The following PDPR variants were observed in gnomAD, a reference collection of about 807,000 sequenced individuals.
PDPR encodes the protein pyruvate dehydrogenase phosphatase regulatory subunit.
Under a neutral mutation model 102.2 loss-of-function variants are expected in PDPR, and 50 were observed. The observed-to-expected ratio is 0.49, with a 90% CI of 0.39 to 0.62. The LOEUF (loss-of-function observed/expected upper bound fraction) is 0.62. Among genes scored for constraint, PDPR ranks in the 20% least tolerant of loss-of-function variants. The probability of loss-of-function intolerance (pLI) is 0.00; values close to 1 mark genes in which losing one functional copy is unlikely to be tolerated. For synonymous variants in PDPR, 259 were observed against 406.0 expected, an observed-to-expected ratio of 0.64 and a Z score of 4.35; for missense variants, 625 against 1,098.2, an observed-to-expected ratio of 0.57 and a Z score of 6.09.
rs1967641043 is a variant in PDPR at position 70,160,123 on chromosome 16, T to A, written c.*3244T>A. 1 of 152,952 alleles carries A rather than the reference T, an allele frequency of 6.5e-6. No homozygotes were observed. Among genetic ancestry groups the A allele is most frequent in the African/African-American group, 2.4e-5 (1 of 41,482 alleles). 9.5% of individuals were successfully genotyped at this position (152,952 alleles called of 1,614,324 possible). On this transcript the variant is annotated 3_prime_UTR_variant, in exon 19 of 19. Coordinates refer to ENST00000288050, the MANE Select transcript of PDPR (RefSeq NM_017990.5). ...ATTGGCCTCAAACGGAGACCCAGGG[T>A]TGCCAGTTTTCCGTGGGCCTTCCCC...
chr16:70,123,707 T>C (rs1963600871), intron 3 of PDPR, among the ~76,000 whole-genome samples: 2 of 152,272 alleles, frequency 1.3e-5, no homozygotes, highest in African/African-American at 2.4e-5. Context: ...TTCAAGATTA[T>C]ATAATACCTT....
chr16:70,145,492 C>T (rs1363460411), intron 15 of PDPR, among the ~76,000 whole-genome samples: 1 of 152,244 alleles, frequency 6.6e-6, no homozygotes, highest in East Asian at 1.9e-4. Context: ...TCACTCTCAG[C>T]AGTCTCGGCT....
Position 70,162,035 on chromosome 16 carries a change from C to T in PDPR, c.*5156C>T, listed in dbSNP as rs1473037743. The T allele has an allele frequency of 3.9e-5, 6 of 152,404 alleles. No individual in the cohort carries two copies. Among genetic ancestry groups the T allele is most frequent in the Non-Finnish European group, 7.3e-5 (5 of 68,138 alleles). 9.4% of individuals were successfully genotyped at this position (152,404 alleles called of 1,614,324 possible). On this transcript the variant is annotated 3_prime_UTR_variant, in exon 19 of 19. Transcript: ENST00000288050. The stretch of plus-strand genomic sequence containing the variant: ...CTAAGCCAGGTTCTAGTGCCTTACA[C>T]TCCAGAATGTCAGATGGTGGGTGCA...
chr16:70,129,590 C>T (rs1279380493), intron 6 of PDPR, among the ~76,000 whole-genome samples: 1 of 152,276 alleles, frequency 6.6e-6, no homozygotes, highest in Non-Finnish European at 1.5e-5. Context: ...CTCAGATGAT[C>T]CACCTGCCTC....
rs1967802941 is a variant in PDPR, at chr16:70,161,656, G to A, written c.*4777G>A. The A allele has an allele frequency of 6.6e-6, 1 of 152,552 alleles. No homozygotes were observed. The highest frequency in any genetic ancestry group is 2.4e-5 in the African/African-American group (1 of 41,468). The allele number at this position is 152,552 out of a possible 1,614,324, so 9.4% of individuals were successfully genotyped here. On this transcript the variant is annotated 3_prime_UTR_variant, in exon 19 of 19. Coordinates refer to ENST00000288050, the MANE Select transcript of PDPR (RefSeq NM_017990.5). The stretch of plus-strand genomic sequence containing the variant: ...CTCCTCCATTGTCAGTACAGGGCTC[G>A]CCTTTGTAGCCCTGATCACTACCAG...
Position 70,126,585 on chromosome 16 carries a change from G to A in PDPR, c.228-675G>A, listed in dbSNP as rs369080198. 2.6e-4 allele frequency among the ~76,000 whole-genome samples: 40 copies of A among 152,366 alleles called. 1 individual carries two copies. Among genetic ancestry groups the A allele is most frequent in the African/African-American group, 8.9e-4 (37 of 41,590 alleles). Reference sequence around the variant, plus strand: ...TCACTGTGTTAGCCAAGATGGTTTCGATCTCCTGACCTTGTGATCCGCCCA... The same window carrying A: ...TCACTGTGTTAGCCAAGATGGTTTCAATCTCCTGACCTTGTGATCCGCCCA... On this transcript the variant is annotated intron_variant, in intron 3 of 18. Coordinates refer to ENST00000288050, the MANE Select transcript of PDPR (RefSeq NM_017990.5).
chr16:70,138,207 A>ATTTTTTTTTTTTTTTTTTTT (rs1201065640), intron 10 of PDPR, among the ~76,000 whole-genome samples: 1 of 94,046 alleles, frequency 1.1e-5, no homozygotes, highest in Non-Finnish European at 2.0e-5. Context: ...ACGCCGGCTA[A>ATTTTTTTTTTTTTTTTTTTT]TTTTTTTTTT....
rs1395847884 is a variant in PDPR, at chr16:70,160,917, TGA to T, written c.*4040_*4041del. On this transcript the variant is annotated 3_prime_UTR_variant, in exon 19 of 19. Coordinates refer to ENST00000288050, the MANE Select transcript of PDPR (RefSeq NM_017990.5). ...ATGGACACATTTCCTGGCATTTGCC[TGA>T]GTCTACACCACTTTTTGAGAACCTG... 6.6e-6 allele frequency: 1 copy of T among 152,244 alleles called. No individual in the cohort carries two copies. The highest frequency in any genetic ancestry group is 1.5e-5 in the Non-Finnish European group (1 of 68,164). The allele number at this position is 152,244 out of a possible 1,614,324, so 9.4% of individuals were successfully genotyped here. A position where few individuals can be genotyped will look rare whatever the true frequency, so the allele number is the denominator to read the frequency against.
At chr16:70,135,587 T>G (rs1182740199) in intron 9 of PDPR, among the ~76,000 whole-genome samples, 2 of 152,284 alleles carry the variant, frequency 1.3e-5, no homozygotes, top group African/African-American at 4.8e-5. Flanking sequence ...TAAGAGCTTT[T>G]CCACTCACAC....
chr16:70,119,409 G>A (rs867850286), intron 2 of PDPR, among the ~76,000 whole-genome samples: 13 of 150,786 alleles, frequency 8.6e-5, no homozygotes, highest in South Asian at 2.1e-4. Flanking sequence ...TGATACTCCC[G>A]CATGAGTGAT....
At chr16:70,146,292 G>C in intron 16 of PDPR, 64 bp downstream of exon 16, 2 of 1,610,168 alleles carry the variant, frequency 1.2e-6, no homozygotes, top group Non-Finnish European at 1.7e-6. Context: ...AGCGGTGGCA[G>C]GTACATATTC....
chr16:70,138,568 G>T (rs1255961822), intron 10 of PDPR, among the ~76,000 whole-genome samples: 2 of 152,222 alleles, frequency 1.3e-5, no homozygotes, highest in Non-Finnish European at 2.9e-5. Flanking sequence ...TGCCCAGGCT[G>T]GTCTCAAACT....
At position 70,150,091 on chromosome 16, in the gene PDPR, CTTTTTTTTTTTTTTTTCT is replaced by C. The variant is rs1966597128; in HGVS notation, c.2052+1550_2052+1567del. 5.9e-5 allele frequency among the ~76,000 whole-genome samples: 8 copies of C among 136,340 alleles called. No homozygotes were observed. In the South Asian group the frequency reaches 1.4e-3, roughly 25 times the overall value. The allele number at this position is 136,340 out of a possible 152,430, so 89.4% of individuals were successfully genotyped here. On this transcript the variant is annotated intron_variant, in intron 17 of 18. Coordinates refer to ENST00000288050, the MANE Select transcript of PDPR (RefSeq NM_017990.5). Reference sequence around the variant, plus strand: ...AGCGTGAGCCACCGCACCCGGCCGGCTTTTTTTTTTTTTTTTCTTTTTTTTTTTTGAGATGAAGTCTCA... The same window carrying C: ...AGCGTGAGCCACCGCACCCGGCCGGCTTTTTTTTTTTGAGATGAAGTCTCA...
chr16:70,152,603 A>T (rs1966821757), intron 17 of PDPR, among the ~76,000 whole-genome samples: 1 of 152,296 alleles, frequency 6.6e-6, no homozygotes, highest in Non-Finnish European at 1.5e-5. Context: ...CAGTTCATAG[A>T]AACATACTGT....
chr16:70,156,662 T>A lies in PDPR; in HGVS notation c.2423T>A (p.Leu808Gln), dbSNP rs1227672793. The change falls in exon 19 of 19, where the codon CTG becomes CAG. Residue 808 changes from leucine to glutamine, a missense_variant. By Grantham distance (113) the Leu-to-Gln change is moderately radical (BLOSUM62 -2). This residue lies in a region of PDPR where 303 missense variants were observed against 258.9 expected (regional missense o/e 1.17). Coordinates refer to ENST00000288050, the MANE Select transcript of PDPR (RefSeq NM_017990.5). ...KTTSSAYSYS[L>Q]ERHVCLGFVH... is the part of the protein sequence containing the mutation. ...ACCAGCAGTGCCTACAGCTACAGCC[T>A]GGAGCGCCACGTTTGCCTGGGCTTT... 6.2e-7 allele frequency: 1 copy of A among 1,613,990 alleles called. No individual in the cohort carries two copies. Among genetic ancestry groups the A allele is most frequent in the Non-Finnish European group, 8.5e-7 (1 of 1,179,922 alleles).
At chr16:70,121,181 A>C (rs1484477465) in intron 3 of PDPR, among the ~76,000 whole-genome samples, 1 of 152,018 alleles carries the variant, frequency 6.6e-6, no homozygotes, top group Admixed American at 6.6e-5. Flanking sequence ...CTTAATTGCT[A>C]GGTTCTTAAT....
At chr16:70,115,488 G>C (rs961138103) in intron 2 of PDPR, among the ~76,000 whole-genome samples, 9 of 152,204 alleles carry the variant, frequency 5.9e-5, no homozygotes, top group Non-Finnish European at 1.3e-4. Context: ...CAGCTCCCTG[G>C]AGTGGCAGGA....
intron 8 of PDPR, chr16:70,131,840 C>T: frequency 7.1e-7 from 1 of 1,410,428 alleles, no homozygotes; most frequent in Non-Finnish European, 9.3e-7. Context: ...CTGCAACCCC[C>T]CTCTCTGTTA....
At position 70,157,894 on chromosome 16, in the gene PDPR, G is replaced by A. The variant is rs1225417545; in HGVS notation, c.*1015G>A. 6.5e-6 allele frequency: 1 copy of A among 154,436 alleles called. No homozygotes were observed. The highest frequency in any genetic ancestry group is 1.4e-5 in the Non-Finnish European group (1 of 69,442). 9.6% of individuals were successfully genotyped at this position (154,436 alleles called of 1,614,324 possible). A position where few individuals can be genotyped will look rare whatever the true frequency, so the allele number is the denominator to read the frequency against. ...TGTTTCTCTCCCTTTAGAATAGGGAGGGGAAGGGATCAGGTGTGTTGTCCT... is the reference window on the plus strand; with the variant it reads ...TGTTTCTCTCCCTTTAGAATAGGGAAGGGAAGGGATCAGGTGTGTTGTCCT... On this transcript the variant is annotated 3_prime_UTR_variant, in exon 19 of 19. Coordinates refer to ENST00000288050, the MANE Select transcript of PDPR (RefSeq NM_017990.5).
Sources: allele counts gnomAD v4.1 joint callset (sites outside exome capture counted in the v4.1 genomes callset), GRCh38; gene constraint gnomAD v4.1.1; regional missense constraint gnomAD v4.1.1; transcripts MANE v1.5; gene names NCBI Gene and HGNC (gene_info 2026-07-23, HGNC 2026-07-21).